ZC4H2: variants seen among roughly 807,000 people sequenced by gnomAD.
The protein encoded by ZC4H2 is zinc finger C4H2 domain-containing protein.
For synonymous variants in ZC4H2, 84 were observed against 66.3 expected (o/e 1.27, Z -1.30); for missense variants, 137 against 173.9 (o/e 0.79, Z 1.19).
At chrX:64,984,011 G>T (rs1602437795) in intron 1 of ZC4H2, among the ~76,000 whole-genome samples, 1 of 111,425 alleles carries the variant, frequency 9.0e-6, no homozygotes, top group African/African-American at 3.3e-5. Context: ...AATGGTGGGG[G>T]TTGAGCTTCT....
intron 4 of ZC4H2, chrX:64,918,105 T>C: frequency 2.6e-6 from 1 of 382,939 alleles, no homozygotes. Context: ...TGAGAAAAAG[T>C]ATACAAAACT....
chrX:64,954,390 T>TTA (rs200900040), intron 1 of ZC4H2, among the ~76,000 whole-genome samples: 2,987 of 71,906 alleles, frequency 0.042, 780 homozygotes, highest in African/African-American at 0.38. Context: ...ATATTTATAA[T>TTA]TATATATATA....
rs1251126931 is a variant in ZC4H2 at position 64,915,922 on chromosome X, T to TA, written c.*1860dup. ...TTATTTAGAGAGCCCTTGGCCTTTA[T>TA]ATCCCTGAATCAGTCATTTGACACC... is the stretch of plus-strand genomic sequence containing the variant. On this transcript the variant is annotated 3_prime_UTR_variant, in exon 5 of 5. Transcript: ENST00000374839. 9 of 112,073 alleles carry TA rather than the reference T, an allele frequency of 8.0e-5. No individual in the cohort carries two copies. Among genetic ancestry groups the TA allele is most frequent in the African/African-American group, 2.9e-4 (9 of 30,818 alleles). The allele number at this position is 112,073 out of a possible 1,213,427, so 9.2% of individuals were successfully genotyped here.
intron 1 of ZC4H2, among the ~76,000 whole-genome samples, chrX:64,935,301 G>GA (rs1491512323): frequency 1.3e-4 from 15 of 111,792 alleles, no homozygotes; most frequent in African/African-American, 4.5e-4. Flanking sequence ...GGGCATCTCT[G>GA]AAAAAAAGGC....
chrX:64,928,771 C>T (rs1329975909), intron 1 of ZC4H2, among the ~76,000 whole-genome samples: 16 of 97,545 alleles, frequency 1.6e-4, no homozygotes, highest in Non-Finnish European at 3.1e-4. Flanking sequence ...TTCTTCTTTT[C>T]TTCTTCTCTT....
intron 1 of ZC4H2, among the ~76,000 whole-genome samples, chrX:64,987,648 A>G (rs963049706): frequency 3.6e-5 from 4 of 110,851 alleles, no homozygotes; most frequent in Non-Finnish European, 5.7e-5. Context: ...CTTTTAGAAA[A>G]AAAAAGGAGA....
At chrX:64,950,301 G>A (rs1930737613) in intron 1 of ZC4H2, among the ~76,000 whole-genome samples, 1 of 111,788 alleles carries the variant, frequency 8.9e-6, no homozygotes, top group African/African-American at 3.3e-5. Flanking sequence ...GTGCGGTGTG[G>A]TGCTGAGAAG....
At chrX:64,977,187 GAATA>G (rs1029166874), upstream of ZC4H2, among the ~76,000 whole-genome samples, 2 of 111,545 alleles carry the variant, frequency 1.8e-5, no homozygotes, top group African/African-American at 6.5e-5. Context: ...CAAAATACAG[GAATA>G]GATAAGGTGT....
At chrX:64,966,698 C>A (rs1931604427) in intron 1 of ZC4H2, among the ~76,000 whole-genome samples, 1 of 111,359 alleles carries the variant, frequency 9.0e-6, no homozygotes, top group East Asian at 2.8e-4. Flanking sequence ...GAAGGCAGAC[C>A]CAAAAGGCCA....
At chrX:64,975,426 T>G (rs1318870934) in intron 1 of ZC4H2, among the ~76,000 whole-genome samples, 1 of 111,591 alleles carries the variant, frequency 9.0e-6, no homozygotes, top group Admixed American at 9.4e-5. Context: ...CTTGACATCT[T>G]CCACCTTGGG....
chrX:64,948,452 T>C (rs1930645336), intron 1 of ZC4H2, among the ~76,000 whole-genome samples: 1 of 112,122 alleles, frequency 8.9e-6, no homozygotes, highest in African/African-American at 3.2e-5. Context: ...GGAAAAATCA[T>C]TGGCTAAGTT....
At chrX:65,034,404 GC>G (rs1932980688) in intron 1 of ZC4H2, among the ~76,000 whole-genome samples, 1 of 111,940 alleles carries the variant, frequency 8.9e-6, no homozygotes, top group Non-Finnish European at 1.9e-5. Context: ...TACCCTGGCA[GC>G]CCTTGTGAAG....
At chrX:64,930,886 A>G (rs1206507559) in intron 1 of ZC4H2, among the ~76,000 whole-genome samples, 1 of 111,667 alleles carries the variant, frequency 9.0e-6, no homozygotes, top group Non-Finnish European at 1.9e-5. Context: ...GAATGATTTA[A>G]TGAGGATTTC....
At chrX:64,969,251 T>C (rs886597356) in intron 1 of ZC4H2, among the ~76,000 whole-genome samples, 2 of 111,792 alleles carry the variant, frequency 1.8e-5, no homozygotes, top group African/African-American at 3.3e-5. Context: ...TTCTTTTCAA[T>C]GATTTCTTTC....
At chrX:65,007,553 G>GA (rs1332837248) in intron 1 of ZC4H2, among the ~76,000 whole-genome samples, 3 of 111,612 alleles carry the variant, frequency 2.7e-5, no homozygotes, top group Non-Finnish European at 3.8e-5. Flanking sequence ...CTGAAGAGGG[G>GA]AAAAAGAGAA....
chrX:65,005,562 G>T, intron 1 of ZC4H2, among the ~76,000 whole-genome samples: 1 of 110,124 alleles, frequency 9.1e-6, no homozygotes, highest in Admixed American at 9.5e-5. Context: ...ATTAACTCAA[G>T]ATGGATTAAA....
rs763889497 is a variant in ZC4H2, at chrX:64,917,936, T to C, written c.562-40A>G. 6.8e-6 allele frequency: 8 copies of C among 1,175,641 alleles called. No homozygotes were observed. The South Asian group carries it at 1.5e-4, about 22-fold the overall frequency. Reference sequence around the variant, plus strand: ...AGGAAAAAGAAAGTTAGTAGTCAGATTCTTCCAGGCAACAACTTAGACTTC... The same window carrying C: ...AGGAAAAAGAAAGTTAGTAGTCAGACTCTTCCAGGCAACAACTTAGACTTC... On this transcript the variant is annotated intron_variant, in intron 4 of 4. Coordinates refer to ENST00000374839, the MANE Select transcript of ZC4H2 (RefSeq NM_018684.4).
chrX:64,928,657 C>CTTCTTCTTCTTG (rs1929556140), intron 1 of ZC4H2, among the ~76,000 whole-genome samples: 1 of 101,565 alleles, frequency 9.8e-6, no homozygotes, highest in African/African-American at 3.6e-5. Flanking sequence ...TCTTCTTCTT[C>CTTCTTCTTCTTG]TTCTTCTTCT....
At chrX:65,002,091 A>T (rs754585442) in intron 1 of ZC4H2, among the ~76,000 whole-genome samples, 48 of 111,748 alleles carry the variant, frequency 4.3e-4, no homozygotes, top group Non-Finnish European at 9.4e-5. Context: ...ACCAAGTGGA[A>T]CTAATAGACA....
Sources: gnomAD v4.1 joint callset for allele counts (sites outside exome capture counted in the v4.1 genomes callset) on GRCh38, gnomAD v4.1.1 for gene constraint, MANE v1.5 for transcripts, NCBI Gene and HGNC (gene_info 2026-07-23, HGNC 2026-07-21) for gene names.